Variants in SMOC2 observed in about 807,000 individuals in gnomAD.
SMOC2 encodes SPARC related modular calcium binding 2.
In SMOC2, 39 loss-of-function variants were observed where a neutral mutation model predicts 61.4. The ratio of observed to expected loss-of-function variants is 0.64; its 90% CI spans 0.49 to 0.83. SMOC2 has a LOEUF of 0.83. Among genes scored for constraint, SMOC2 ranks in the 40% least tolerant of loss-of-function variants. The probability of loss-of-function intolerance (pLI) is 0.00; values close to 1 mark genes in which losing one functional copy is unlikely to be tolerated. For missense variants in SMOC2, 556 were observed against 592.9 expected (o/e 0.94, Z 0.65); for synonymous variants, 247 against 239.9 (o/e 1.03, Z -0.27).
intron 5 of SMOC2, among the ~76,000 whole-genome samples, chr6:168,546,541 C>T (rs12055567): frequency 0.025 from 3,804 of 152,208 alleles, 84 homozygotes; most frequent in African/African-American, 0.055. Flanking sequence ...CGATCACTTT[C>T]GCCCTGTCCC....
At chr6:168,588,454 C>A (rs1410724738) in intron 7 of SMOC2, among the ~76,000 whole-genome samples, 1 of 151,746 alleles carries the variant, frequency 6.6e-6, no homozygotes, top group Non-Finnish European at 1.5e-5. Context: ...TCATCTCATT[C>A]CCAGCCGGAG....
At chr6:168,651,846 G>C (rs1267895311) in intron 10 of SMOC2, among the ~76,000 whole-genome samples, 1 of 152,156 alleles carries the variant, frequency 6.6e-6, no homozygotes, top group Non-Finnish European at 1.5e-5. Context: ...TTCGAGACCA[G>C]CCTGGCCAAC....
intron 7 of SMOC2, among the ~76,000 whole-genome samples, chr6:168,556,818 GT>G (rs1201843375): frequency 8.4e-5 from 11 of 130,496 alleles, no homozygotes; most frequent in South Asian, 2.4e-4. Flanking sequence ...GTTCTGTTAG[GT>G]TTTTTTTTTG....
At chr6:168,485,158 A>G (rs1193406761) in intron 1 of SMOC2, among the ~76,000 whole-genome samples, 1 of 152,266 alleles carries the variant, frequency 6.6e-6, no homozygotes, top group Non-Finnish European at 1.5e-5. Context: ...ACAGCATTTC[A>G]TACACACTAG....
intron 7 of SMOC2, among the ~76,000 whole-genome samples, chr6:168,562,619 C>G (rs956965330): frequency 6.6e-6 from 1 of 152,120 alleles, no homozygotes; most frequent in Admixed American, 6.5e-5. Flanking sequence ...CTAGATGACC[C>G]GCCTGAGCTT....
chr6:168,548,351 CTT>C (rs758386557), intron 6 of SMOC2, among the ~76,000 whole-genome samples: 26 of 127,134 alleles, frequency 2.0e-4, no homozygotes, highest in Admixed American at 4.0e-4. Flanking sequence ...CACTACATTC[CTT>C]TTTTTTTTTT....
chr6:168,459,169 C>T (rs1305510300), intron 1 of SMOC2, among the ~76,000 whole-genome samples: 1 of 152,166 alleles, frequency 6.6e-6, no homozygotes, highest in Non-Finnish European at 1.5e-5. Flanking sequence ...GGTCATAGGC[C>T]TGAGGAAGGT....
intron 9 of SMOC2, among the ~76,000 whole-genome samples, chr6:168,617,456 A>G (rs1429921185): frequency 6.6e-6 from 1 of 152,004 alleles, no homozygotes; most frequent in African/African-American, 2.4e-5. Context: ...GCATTCGTGG[A>G]CTCTGAAGAC....
rs906500010 is a variant in SMOC2 at position 168,453,338 on chromosome 6, G to C, written c.84+11884G>C. Reference sequence around the variant, plus strand: ...CATTTCGGGCTGTGCCTTTGTCTCCGGGTCTCCTCCTCACTCTTCTCAGTC... The same window carrying C: ...CATTTCGGGCTGTGCCTTTGTCTCCCGGTCTCCTCCTCACTCTTCTCAGTC... On this transcript the variant is annotated intron_variant, in intron 1 of 12. Coordinates refer to ENST00000356284, the MANE Select transcript of SMOC2 (RefSeq NM_001166412.2). The surrounding 1 kb of genome is among the most constrained non-coding windows in gnomAD (Gnocchi z 4.4). Among the ~76,000 whole-genome samples, 1 of 152,088 alleles carries C rather than the reference G, an allele frequency of 6.6e-6. No homozygotes were observed. Among genetic ancestry groups the C allele is most frequent in the African/African-American group, 2.4e-5 (1 of 41,406 alleles).
intron 7 of SMOC2, among the ~76,000 whole-genome samples, chr6:168,565,093 A>T (rs1238964854): frequency 2.0e-5 from 3 of 152,262 alleles, no homozygotes; most frequent in Non-Finnish European, 4.4e-5. Context: ...CCTGAAATTC[A>T]GATTGAACCT....
intron 9 of SMOC2, among the ~76,000 whole-genome samples, chr6:168,614,066 C>T (rs1785975139): frequency 1.9e-5 from 2 of 103,622 alleles, no homozygotes; most frequent in Non-Finnish European, 2.0e-5. Flanking sequence ...GGGGCCTCTT[C>T]ACACCTACAG....
chr6:168,658,871 C>CTG lies in SMOC2; in HGVS notation c.1286-5190_1286-5189dup, dbSNP rs148960064. On this transcript the variant is annotated intron_variant, in intron 11 of 12. Coordinates refer to ENST00000356284, the MANE Select transcript of SMOC2 (RefSeq NM_001166412.2). ...CATCACCTGCAGGACACAGCTCAGA[C>CTG]TGTGTGTGTGTGTGGAGTATGTGTA... Among the ~76,000 whole-genome samples, 276 of 151,256 alleles carry CTG rather than the reference C, an allele frequency of 1.8e-3. 1 individual carries two copies. Among genetic ancestry groups the CTG allele is most frequent in the African/African-American group, 6.2e-3 (256 of 41,248 alleles).
chr6:168,539,395 C>T (rs1482577518), intron 4 of SMOC2, among the ~76,000 whole-genome samples: 3 of 152,176 alleles, frequency 2.0e-5, no homozygotes, highest in Non-Finnish European at 4.4e-5. Flanking sequence ...CAGGCAGCTC[C>T]GTCCCACTGC....
intron 7 of SMOC2, among the ~76,000 whole-genome samples, chr6:168,563,215 T>G (rs1784462110): frequency 6.6e-6 from 1 of 152,232 alleles, no homozygotes; most frequent in African/African-American, 2.4e-5. Flanking sequence ...CTTTTCATTT[T>G]ATGGCATTCC....
intron 1 of SMOC2, among the ~76,000 whole-genome samples, chr6:168,498,907 G>A (rs111757477): frequency 0.024 from 3,466 of 141,748 alleles, 86 homozygotes; most frequent in Non-Finnish European, 0.036. Flanking sequence ...AGGGCCCATA[G>A]CCTGTTTACT....
chr6:168,540,990 C>T (rs17551813), intron 4 of SMOC2, among the ~76,000 whole-genome samples: 7,816 of 152,254 alleles, frequency 0.051, 318 homozygotes, highest in South Asian at 0.17. Context: ...AGCATAACAC[C>T]GTTCCCTCCA....
At chr6:168,443,085 A>C (rs1296042822) in intron 1 of SMOC2, among the ~76,000 whole-genome samples, 1 of 152,236 alleles carries the variant, frequency 6.6e-6, no homozygotes, top group Admixed American at 6.5e-5. Flanking sequence ...CCAATTCTCC[A>C]AAGGAGATCA....
At chr6:168,468,235 G>A (rs117121953) in intron 1 of SMOC2, among the ~76,000 whole-genome samples, 2,237 of 152,292 alleles carry the variant, frequency 0.015, 31 homozygotes, top group Non-Finnish European at 0.021. Flanking sequence ...AGGGCGCTGC[G>A]GGTTCTTTGC....
At chr6:168,469,811 A>G (rs1252075615) in intron 1 of SMOC2, among the ~76,000 whole-genome samples, 1 of 152,158 alleles carries the variant, frequency 6.6e-6, no homozygotes, top group Non-Finnish European at 1.5e-5. Context: ...CCTCGTTAGG[A>G]GTGCTCCCTC....
Sources: allele counts gnomAD v4.1 joint callset (sites outside exome capture counted in the v4.1 genomes callset), GRCh38; gene constraint gnomAD v4.1.1; non-coding constraint Gnocchi (gnomAD v3.1); transcripts MANE v1.5; gene names NCBI Gene and HGNC (gene_info 2026-07-23, HGNC 2026-07-21).